Variants in CD226 observed in about 807,000 individuals in gnomAD.
CD226 encodes the protein CD226 molecule.
In CD226, 24 loss-of-function variants were observed where a neutral mutation model predicts 34.9. That is an observed-to-expected ratio of 0.69 (90% CI 0.50 to 0.97). CD226 has a LOEUF of 0.97. CD226 is among the 50% of genes least tolerant of loss of function. The pLI is 0.00. For synonymous variants in CD226, 148 were observed against 147.4 expected (o/e 1.00, Z -0.03); for missense variants, 397 against 412.7 (o/e 0.96, Z 0.33).
intron 2 of CD226, among the ~76,000 whole-genome samples, chr18:69,897,609 A>G (rs1170801067): frequency 6.6e-6 from 1 of 151,574 alleles, no homozygotes; most frequent in Admixed American, 6.6e-5. Flanking sequence ...TTGGCATACA[A>G]ACAAAAGAAA....
intron 2 of CD226, among the ~76,000 whole-genome samples, chr18:69,929,684 C>A (rs1196778921): frequency 6.6e-6 from 1 of 152,114 alleles, no homozygotes; most frequent in Non-Finnish European, 1.5e-5. Flanking sequence ...ATCCTCCTGC[C>A]TGCTAGAGAG....
At chr18:69,934,279 T>TACATACACACAC (rs1555684029) in intron 2 of CD226, among the ~76,000 whole-genome samples, 1,551 of 73,188 alleles carry the variant, frequency 0.021, 25 homozygotes, top group African/African-American at 0.04. Context: ...ACACAGAGGA[T>TACATACACACAC]ACACACACAC....
chr18:69,860,715 G>T lies in CD226; in HGVS notation c.*3599C>A, dbSNP rs1982769071. On this transcript the variant is annotated 3_prime_UTR_variant, in exon 6 of 6. Coordinates refer to ENST00000582621, the MANE Select transcript of CD226 (RefSeq NM_001303618.2). ...AAATATACTTATACAGAAGTCTGAA[G>T]GTGGAGATCAGTACTTTCTAGATGT... 1 of 152,098 alleles carries T rather than the reference G, an allele frequency of 6.6e-6. No individual in the cohort carries two copies. Among genetic ancestry groups the T allele is most frequent in the Non-Finnish European group, 1.5e-5 (1 of 67,958 alleles). 9.4% of individuals were successfully genotyped at this position (152,098 alleles called of 1,614,324 possible). A position where few individuals can be genotyped will look rare whatever the true frequency, so the allele number is the denominator to read the frequency against.
rs1183433769 is a variant in CD226, at chr18:69,858,375, TTC to T, written c.*5937_*5938del. On this transcript the variant is annotated 3_prime_UTR_variant, in exon 6 of 6. Coordinates refer to ENST00000582621, the MANE Select transcript of CD226 (RefSeq NM_001303618.2). ...AGCCTGGAGGGAATGTCGCAGTGTG[TTC>T]TGTTTGGAAAGTAAGTTGTACCCTG... The T allele has an allele frequency of 6.6e-6, 1 of 152,200 alleles. No individual in the cohort carries two copies. Among genetic ancestry groups the T allele is most frequent in the Non-Finnish European group, 1.5e-5 (1 of 68,040 alleles). The allele number at this position is 152,200 out of a possible 1,614,324, so 9.4% of individuals were successfully genotyped here. A position where few individuals can be genotyped will look rare whatever the true frequency, so the allele number is the denominator to read the frequency against.
chr18:69,952,951 C>A (rs2055866363), intron 1 of CD226, among the ~76,000 whole-genome samples: 1 of 152,160 alleles, frequency 6.6e-6, no homozygotes, highest in Non-Finnish European at 1.5e-5. Flanking sequence ...AGACATTTTT[C>A]TCCAAAAGAT....
At chr18:69,869,967 A>AT (rs1238892343) in intron 4 of CD226, among the ~76,000 whole-genome samples, 1,787 of 147,436 alleles carry the variant, frequency 0.012, 33 homozygotes, top group African/African-American at 0.04. Flanking sequence ...TGCCTGGCTA[A>AT]TTTTTTTTTT....
chr18:69,939,761 T>C (rs2055700209), intron 2 of CD226, among the ~76,000 whole-genome samples: 1 of 152,208 alleles, frequency 6.6e-6, no homozygotes, highest in Non-Finnish European at 1.5e-5. Flanking sequence ...GAATTTTGAA[T>C]AAGCAGTTTG....
At chr18:69,900,661 G>A (rs12457046) in intron 2 of CD226, among the ~76,000 whole-genome samples, 73,770 of 145,224 alleles carry the variant, frequency 0.51, 20,427 homozygotes, top group Non-Finnish European at 0.6. Context: ...GAACCCGGGA[G>A]GCGGAGCTTG....
At chr18:69,937,976 C>T (rs935042143) in intron 2 of CD226, among the ~76,000 whole-genome samples, 2 of 152,304 alleles carry the variant, frequency 1.3e-5, no homozygotes, top group African/African-American at 4.8e-5. Flanking sequence ...TGCTGGGAAC[C>T]TGGACAGAGA....
At chr18:69,877,450 G>A (rs918150433) in intron 3 of CD226, among the ~76,000 whole-genome samples, 2 of 152,146 alleles carry the variant, frequency 1.3e-5, no homozygotes, top group Non-Finnish European at 2.9e-5. Context: ...GGATTTTTAT[G>A]GAGGCTTCAT....
chr18:69,935,766 G>A (rs17081900), intron 2 of CD226, among the ~76,000 whole-genome samples: 4,338 of 152,214 alleles, frequency 0.028, 228 homozygotes, highest in African/African-American at 0.099. Flanking sequence ...ATCAGTGTCC[G>A]AAGCTTCAGC....
chr18:69,877,380 C>T (rs1403839171), intron 3 of CD226, among the ~76,000 whole-genome samples: 2 of 152,212 alleles, frequency 1.3e-5, no homozygotes, highest in Admixed American at 1.3e-4. Context: ...CTGTCCACAT[C>T]ACCCTCCAGG....
At chr18:69,924,263 C>A (rs959491765) in intron 2 of CD226, among the ~76,000 whole-genome samples, 11 of 152,066 alleles carry the variant, frequency 7.2e-5, no homozygotes, top group African/African-American at 2.7e-4. Context: ...GCTACAGACA[C>A]ACTACATTTG....
intron 2 of CD226, among the ~76,000 whole-genome samples, chr18:69,929,943 T>C (rs527999453): frequency 9.8e-5 from 15 of 152,308 alleles, no homozygotes; most frequent in Admixed American, 3.3e-4. Context: ...CCCAGAAATA[T>C]GGAAATTCCA....
intron 3 of CD226, among the ~76,000 whole-genome samples, chr18:69,880,682 C>T (rs1472555614): frequency 2.1e-5 from 3 of 144,034 alleles, no homozygotes; most frequent in South Asian, 2.2e-4. Flanking sequence ...GACAGAGTCT[C>T]GTTTTGTCAC....
Position 69,895,717 on chromosome 18 carries a change from T to A in CD226, c.711A>T (p.Arg237Ser). 6.2e-7 allele frequency: 1 copy of A among 1,612,692 alleles called. No individual in the cohort carries two copies. Among genetic ancestry groups the A allele is most frequent in the Non-Finnish European group, 8.5e-7 (1 of 1,178,720 alleles). Reference sequence around the variant, plus strand: ...CTCACTCACCCTCGGCTACAGTCAATCTCATCACGAAGGTTTCGTTTTCTC... The same window carrying A: ...CTCACTCACCCTCGGCTACAGTCAAACTCATCACGAAGGTTTCGTTTTCTC... Reference protein sequence around the residue: ...SAGENETFVMRLTVAEGKTDN... With the variant: ...SAGENETFVMSLTVAEGKTDN... Residue 237 changes from arginine to serine, a missense_variant, in exon 3 of 6, where the codon AGA becomes AGT. Arg to Ser is a moderately radical substitution (Grantham distance 110, BLOSUM62 -1). Coordinates refer to ENST00000582621, the MANE Select transcript of CD226 (RefSeq NM_001303618.2).
At chr18:69,947,276 A>T (rs2055805430) in intron 1 of CD226, 85 bp downstream of exon 1, 1 of 968,274 alleles carries the variant, frequency 1.0e-6, no homozygotes, top group Non-Finnish European at 1.6e-6. Flanking sequence ...CCAACTAAAG[A>T]GCACTGTAAA....
At chr18:69,906,419 A>C (rs73464743) in intron 2 of CD226, among the ~76,000 whole-genome samples, 2,399 of 152,318 alleles carry the variant, frequency 0.016, 37 homozygotes, top group African/African-American at 0.035. Flanking sequence ...ATTTCTGCAA[A>C]TTTCTGCAGG....
At chr18:69,915,892 AT>A (rs1484850206) in intron 2 of CD226, among the ~76,000 whole-genome samples, 4 of 152,236 alleles carry the variant, frequency 2.6e-5, no homozygotes, top group Non-Finnish European at 5.9e-5. Context: ...CAAAAAAGCC[AT>A]AAAATTTGGG....
Sources: allele counts gnomAD v4.1 joint callset (sites outside exome capture counted in the v4.1 genomes callset), GRCh38; gene constraint gnomAD v4.1.1; transcripts MANE v1.5; gene names NCBI Gene and HGNC (gene_info 2026-07-23, HGNC 2026-07-21).